Variants in PIK3R5 observed in about 807,000 individuals in gnomAD.
PIK3R5 encodes phosphoinositide-3-kinase regulatory subunit 5, also known as phosphoinositide 3-kinase regulatory subunit 5.
Under a neutral mutation model 94.9 loss-of-function variants are expected in PIK3R5, and 32 were observed. That is an observed-to-expected ratio of 0.34 (90% CI 0.25 to 0.45). The LOEUF (loss-of-function observed/expected upper bound fraction) is 0.45. Ranked by LOEUF, PIK3R5 falls within the 20% of genes least tolerant of loss-of-function variation. PIK3R5 has a pLI of 1.00. For synonymous variants in PIK3R5, 443 were observed against 479.4 expected (o/e 0.92, Z 0.99); for missense variants, 853 against 1,144.6 (o/e 0.75, Z 3.68).
At chr17:8,933,835 CATT>C (rs1487918000) in intron 1 of PIK3R5, among the ~76,000 whole-genome samples, 1 of 152,042 alleles carries the variant, frequency 6.6e-6, no homozygotes, top group Non-Finnish European at 1.5e-5. Context: ...TAATTCACCA[CATT>C]AATAAAGAAG....
At position 8,955,402 on chromosome 17, in the gene PIK3R5, A is replaced by G. The variant is rs2087900937; in HGVS notation, c.-14+10194T>C. ...GCAAGAACACACGTTAGGTCTTGGG[A>G]AAACTGAGTCAGGCAGTCTGGCTGG... On this transcript the variant is annotated intron_variant, in intron 1 of 18. Coordinates refer to ENST00000447110, the MANE Select transcript of PIK3R5 (RefSeq NM_001142633.3). This position sits in a 1 kb window ranked among gnomAD's most constrained non-coding sequence, Gnocchi z 4.4. Among the ~76,000 whole-genome samples the G allele has an allele frequency of 1.3e-5, 2 of 152,234 alleles. No individual in the cohort carries two copies. Among genetic ancestry groups the G allele is most frequent in the Non-Finnish European group, 2.9e-5 (2 of 68,036 alleles).
In PIK3R5 at chr17:8,881,914, C is replaced by T. The variant is rs376577409; in HGVS notation, c.2206-33G>A. ...TGCAGTGTAGCCAGACCCTCTGAGT[C>T]CAGAGGCCCCGGTGCCTGCTGCCTT... On this transcript the variant is annotated intron_variant, in intron 15 of 18. Transcript: ENST00000447110. This position sits in a 1 kb window ranked among gnomAD's most constrained non-coding sequence, Gnocchi z 4.8. 3,306 of 1,536,456 alleles carry T rather than the reference C, an allele frequency of 2.2e-3. 3 individuals carry two copies. Among genetic ancestry groups the T allele is most frequent in the Non-Finnish European group, 2.7e-3 (3,000 of 1,115,234 alleles).
At chr17:8,960,795 G>A (rs2091550208) in intron 1 of PIK3R5, among the ~76,000 whole-genome samples, 1 of 152,146 alleles carries the variant, frequency 6.6e-6, no homozygotes. Context: ...ACAACAACAA[G>A]ACTCCTGAGG....
At chr17:8,886,756 C>G in intron 12 of PIK3R5, 151 bp from the exon 13 acceptor site, 1 of 931,454 alleles carries the variant, frequency 1.1e-6, no homozygotes, top group South Asian at 1.6e-5. Context: ...AGGGGAGGGC[C>G]GGTGCCCAGC....
At chr17:8,952,006 C>T (rs376400457) in intron 1 of PIK3R5, among the ~76,000 whole-genome samples, 1 of 152,228 alleles carries the variant, frequency 6.6e-6, no homozygotes, top group African/African-American at 2.4e-5. Context: ...TTCCCTTCCC[C>T]CTTTCCCCTT....
intron 1 of PIK3R5, among the ~76,000 whole-genome samples, chr17:8,929,819 C>T (rs1298952432): frequency 6.6e-6 from 1 of 151,300 alleles, no homozygotes; most frequent in Non-Finnish European, 1.5e-5. Flanking sequence ...ATGGGGGAGA[C>T]ATGGAAGGGG....
rs1567633980 is a variant in PIK3R5, at chr17:8,886,458, C to CG, written c.2034+18dup. ...CCCGGCAGGTGGGGAAGAGGCGGTT[C>CG]GGGGCAGGGAGGCCTTACCTCGGTC... is the stretch of plus-strand genomic sequence containing the variant. On this transcript the variant is annotated intron_variant, in intron 13 of 18. Transcript: ENST00000447110. 8.1e-6 allele frequency: 13 copies of CG among 1,596,218 alleles called. No homozygotes were observed. The highest frequency in any genetic ancestry group is 1.1e-5 in the Non-Finnish European group (13 of 1,170,056).
At position 8,880,232 on chromosome 17, in the gene PIK3R5, G is replaced by C. The variant is rs530885886; in HGVS notation, c.*407C>G. ...AGGGGACTGAACTCCAGACATACAGGGTCCTCAAGTCTTTGGCAAAGTAAG... is the reference window on the plus strand; with the variant it reads ...AGGGGACTGAACTCCAGACATACAGCGTCCTCAAGTCTTTGGCAAAGTAAG... On this transcript the variant is annotated 3_prime_UTR_variant, in exon 19 of 19. Coordinates refer to ENST00000447110, the MANE Select transcript of PIK3R5 (RefSeq NM_001142633.3). The C allele has an allele frequency of 1.6e-4, 26 of 163,262 alleles. No individual in the cohort carries two copies. The highest frequency in any genetic ancestry group is 5.5e-4 in the African/African-American group (23 of 41,816). The allele number at this position is 163,262 out of a possible 1,614,324, so 10.1% of individuals were successfully genotyped here.
In PIK3R5 at chr17:8,887,556, G is replaced by A; in HGVS notation, c.1744C>T (p.Pro582Ser). ...CPPPRSQTPSPPTDSPRHASP... is the reference protein window; with the variant it reads ...CPPPRSQTPSSPTDSPRHASP... ...GCGTGCCTAGGGGAGTCTGTCGGGGGTGAGGGCGTCTGGCTCCGAGGGGGT... is the reference window on the plus strand; with the variant it reads ...GCGTGCCTAGGGGAGTCTGTCGGGGATGAGGGCGTCTGGCTCCGAGGGGGT... Residue 582 changes from proline (P) to serine (S), a missense_variant, in exon 11 of 19, where the codon CCC becomes TCC. Physicochemically the swap from Pro to Ser is moderately conservative, Grantham distance 74. This residue lies in a region of PIK3R5 where 319 missense variants were observed against 339.8 expected (regional missense o/e 0.94). Transcript: ENST00000447110. 1 of 1,608,592 alleles carries A rather than the reference G, an allele frequency of 6.2e-7. No homozygotes were observed. Among genetic ancestry groups the A allele is most frequent in the Non-Finnish European group, 8.5e-7 (1 of 1,177,776 alleles).
At chr17:8,912,478 G>C (rs1043805575) in intron 1 of PIK3R5, 2 of 152,238 alleles carry the variant, frequency 1.3e-5, no homozygotes, top group Non-Finnish European at 2.9e-5. Flanking sequence ...TGGGGCTCTT[G>C]GGAAGATAAA....
At chr17:8,936,011 G>A (rs1232389662) in intron 1 of PIK3R5, among the ~76,000 whole-genome samples, 4 of 146,438 alleles carry the variant, frequency 2.7e-5, no homozygotes, top group East Asian at 4.0e-4. Context: ...CTGAGCTTGC[G>A]CCACTGCACT....
intron 1 of PIK3R5, among the ~76,000 whole-genome samples, chr17:8,940,226 C>A (rs897088032): frequency 6.6e-6 from 1 of 152,190 alleles, no homozygotes; most frequent in Non-Finnish European, 1.5e-5. Context: ...CAGCTGGGCA[C>A]GTGGGAGGCC....
chr17:8,887,057 A>G, intron 12 of PIK3R5, 39 bp downstream of exon 12: 1 of 1,611,384 alleles, frequency 6.2e-7, no homozygotes, highest in Non-Finnish European at 8.5e-7. Flanking sequence ...GGGTGACTGC[A>G]GCCAGTGGAC....
Position 8,888,146 on chromosome 17 carries a change from G to T in PIK3R5, c.1616+25C>A. The T allele has an allele frequency of 6.2e-7, 1 of 1,611,098 alleles. No homozygotes were observed. Among genetic ancestry groups the T allele is most frequent in the Non-Finnish European group, 8.5e-7 (1 of 1,178,190 alleles). On this transcript the variant is annotated intron_variant, in intron 10 of 18. Transcript: ENST00000447110. The surrounding 1 kb of genome is among the most constrained non-coding windows in gnomAD (Gnocchi z 7.8). ...AACAACCCTGTTACCCAGGGCAGAG[G>T]GATGCTCCGCATTACGGCTCTTACC...
chr17:8,889,854 G>T lies in PIK3R5; in HGVS notation c.811+119C>A. Reference sequence around the variant, plus strand: ...GGCAGAGCAGTGAGATGCTGAAGAAGCTGAGTCCCTGAGTGACTGTGTGGA... The same window carrying T: ...GGCAGAGCAGTGAGATGCTGAAGAATCTGAGTCCCTGAGTGACTGTGTGGA... On this transcript the variant is annotated intron_variant, in intron 8 of 18. Transcript: ENST00000447110. The surrounding 1 kb of genome is among the most constrained non-coding windows in gnomAD (Gnocchi z 4.1). The T allele has an allele frequency of 2.0e-6, 2 of 998,054 alleles. No individual in the cohort carries two copies. The highest frequency in any genetic ancestry group is 1.5e-6 in the Non-Finnish European group (1 of 656,644). The allele number at this position is 998,054 out of a possible 1,614,324, so 61.8% of individuals were successfully genotyped here.
At chr17:8,950,203 T>C (rs1018407131) in intron 1 of PIK3R5, among the ~76,000 whole-genome samples, 1 of 152,244 alleles carries the variant, frequency 6.6e-6, no homozygotes, top group Non-Finnish European at 1.5e-5. Flanking sequence ...CTTCATAACC[T>C]CACCCAAAGG....
Position 8,888,639 on chromosome 17 carries a change from A to C in PIK3R5, c.1148T>G (p.Leu383Arg). 1.2e-6 allele frequency: 2 copies of C among 1,613,426 alleles called. No individual in the cohort carries two copies. The highest frequency in any genetic ancestry group is 8.5e-7 in the Non-Finnish European group (1 of 1,179,690). The change falls in exon 10 of 19, where the codon CTC (leucine) becomes CGC (arginine). Residue 383 changes from leucine to arginine, a missense_variant. By Grantham distance (102) the Leu-to-Arg change is moderately radical. Around this residue, in one of 6 missense-constraint regions of PIK3R5, gnomAD observed 319 missense variants for 339.8 expected, o/e 0.94. Transcript: ENST00000447110. The surrounding 1 kb of genome is among the most constrained non-coding windows in gnomAD (Gnocchi z 7.8). The part of the protein sequence containing the change: ...RHLLTSFVSG[L>R]SDGMDSGYVE... ...GTAGCCGCTGTCCATGCCATCAGAG[A>C]GGCCTGAGACAAAGGAAGTCAGCAG...
At chr17:8,959,411 G>A (rs1294557508) in intron 1 of PIK3R5, among the ~76,000 whole-genome samples, 5 of 90,194 alleles carry the variant, frequency 5.5e-5, no homozygotes, top group Admixed American at 1.3e-4. Flanking sequence ...AACTTTGAGC[G>A]AGAGAGACTG....
intron 1 of PIK3R5, among the ~76,000 whole-genome samples, chr17:8,961,308 G>A (rs1478494217): frequency 1.3e-5 from 2 of 152,158 alleles, no homozygotes; most frequent in African/African-American, 2.4e-5. Flanking sequence ...TCTCTGGAAA[G>A]TCATGCAGCT....
Sources: allele counts gnomAD v4.1 joint callset (sites outside exome capture counted in the v4.1 genomes callset), GRCh38; gene constraint gnomAD v4.1.1; regional missense constraint gnomAD v4.1.1; non-coding constraint Gnocchi (gnomAD v3.1); transcripts MANE v1.5; gene names NCBI Gene and HGNC (gene_info 2026-07-23, HGNC 2026-07-21).